The following CADM2 variants were observed in gnomAD, a reference collection of about 807,000 sequenced individuals.
CADM2 encodes the protein cell adhesion molecule 2.
Under a neutral mutation model 49.8 loss-of-function variants are expected in CADM2, and 12 were observed. That is an observed-to-expected ratio of 0.24 (90% confidence interval 0.15 to 0.39). The LOEUF (loss-of-function observed/expected upper bound fraction) is 0.39, where lower values mean the gene tolerates loss of function less well. CADM2 is among the 10% of genes least tolerant of loss of function. The pLI is 1.00. For synonymous variants in CADM2, 214 were observed against 175.4 expected (o/e 1.22, Z -1.74); for missense variants, 378 against 492.3 (o/e 0.77, Z 2.20).
chr3:85,107,631 T>C (rs35275801), intron 1 of CADM2, among the ~76,000 whole-genome samples: 27 of 137,942 alleles, frequency 2.0e-4, no homozygotes, highest in South Asian at 7.3e-4. Flanking sequence ...CTTTCTTTCT[T>C]TTTCTTTCTT....
intron 1 of CADM2, among the ~76,000 whole-genome samples, chr3:85,403,646 T>C (rs950558243): frequency 6.6e-6 from 1 of 152,168 alleles, no homozygotes; most frequent in Non-Finnish European, 1.5e-5. Flanking sequence ...TGAATGCAAC[T>C]AGTTCAGGTA....
chr3:85,236,997 T>G (rs898304638), intron 1 of CADM2, among the ~76,000 whole-genome samples: 7 of 152,082 alleles, frequency 4.6e-5, no homozygotes, highest in African/African-American at 1.4e-4. Flanking sequence ...GTTTGTTGAA[T>G]GAATAACAAT....
At chr3:85,378,216 T>C (rs2033702978) in intron 1 of CADM2, among the ~76,000 whole-genome samples, 2 of 152,048 alleles carry the variant, frequency 1.3e-5, no homozygotes, top group Admixed American at 1.3e-4. Flanking sequence ...AAGTATAAGA[T>C]CTTACTTGGA....
At chr3:85,564,953 T>G (rs967343064) in intron 1 of CADM2, among the ~76,000 whole-genome samples, 4 of 152,068 alleles carry the variant, frequency 2.6e-5, no homozygotes, top group African/African-American at 9.6e-5. Flanking sequence ...AGACACAAGG[T>G]ATATAGCTCG....
chr3:84,971,930 C>T (rs555445424), intron 1 of CADM2, among the ~76,000 whole-genome samples: 5 of 152,068 alleles, frequency 3.3e-5, no homozygotes, highest in Admixed American at 3.3e-4. Flanking sequence ...CAGACATGGT[C>T]AAATTGTGGT....
At chr3:85,624,026 G>T (rs879457134) in intron 1 of CADM2, among the ~76,000 whole-genome samples, 1 of 151,868 alleles carries the variant, frequency 6.6e-6, no homozygotes, top group Admixed American at 6.6e-5. Context: ...TTGTCTTAAG[G>T]CCAAATACTT....
intron 1 of CADM2, among the ~76,000 whole-genome samples, chr3:85,234,878 A>G (rs2042376875): frequency 6.6e-6 from 1 of 152,156 alleles, no homozygotes; most frequent in Non-Finnish European, 1.5e-5. Flanking sequence ...TGTATAAAAC[A>G]TAAGAGTAGA....
chr3:85,602,469 C>G (rs2063434219), intron 1 of CADM2, among the ~76,000 whole-genome samples: 1 of 151,774 alleles, frequency 6.6e-6, no homozygotes, highest in African/African-American at 2.4e-5. Flanking sequence ...TCTCTACATT[C>G]CATATCCAAT....
chr3:85,820,804 AG>A (rs1298603542), intron 3 of CADM2, among the ~76,000 whole-genome samples: 2 of 152,170 alleles, frequency 1.3e-5, no homozygotes, highest in Non-Finnish European at 2.9e-5. Flanking sequence ...AAGAAGATCT[AG>A]GGAAAAGGAG....
chr3:85,209,824 C>T (rs1559721864), intron 1 of CADM2, among the ~76,000 whole-genome samples: 1 of 152,114 alleles, frequency 6.6e-6, no homozygotes, highest in East Asian at 1.9e-4. Context: ...CACAAATGGG[C>T]ACCTTGTAAT....
intron 1 of CADM2, among the ~76,000 whole-genome samples, chr3:85,273,054 A>G (rs898751416): frequency 6.6e-6 from 1 of 151,164 alleles, no homozygotes; most frequent in Non-Finnish European, 1.5e-5. Context: ...TTTTGGATGA[A>G]ATTTTGAGGA....
rs192048741 is a variant in CADM2 at position 85,106,213 on chromosome 3, G to A, written c.61+146545G>A. On this transcript the variant is annotated intron_variant, in intron 1 of 9. Transcript: ENST00000383699. The stretch of plus-strand genomic sequence containing the variant: ...GAATGGAGAGCAGAGGTAAAGTGAG[G>A]GAACATTATGAAGGTTGCATTGATA... Among the ~76,000 whole-genome samples the A allele has an allele frequency of 3.3e-5, 5 of 152,202 alleles. No individual in the cohort carries two copies. The East Asian group carries it at 9.7e-4, about 29-fold the overall frequency.
At chr3:85,107,854 C>A (rs1050631290) in intron 1 of CADM2, among the ~76,000 whole-genome samples, 1 of 151,714 alleles carries the variant, frequency 6.6e-6, no homozygotes, top group Non-Finnish European at 1.5e-5. Context: ...CCTGCACCAT[C>A]ACACCCAGCT....
chr3:85,478,766 G>C (rs925743423), intron 1 of CADM2, among the ~76,000 whole-genome samples: 2 of 151,812 alleles, frequency 1.3e-5, no homozygotes, highest in African/African-American at 4.8e-5. Context: ...TCAGGAGATG[G>C]AATAAAGAGA....
intron 8 of CADM2, among the ~76,000 whole-genome samples, chr3:86,057,435 T>G (rs903505374): frequency 5.9e-5 from 9 of 152,160 alleles, no homozygotes; most frequent in African/African-American, 2.2e-4. Flanking sequence ...TAATTTAGTA[T>G]TATGAAGGGG....
intron 1 of CADM2, among the ~76,000 whole-genome samples, chr3:85,403,426 G>A (rs928949909): frequency 6.6e-6 from 1 of 152,070 alleles, no homozygotes; most frequent in Non-Finnish European, 1.5e-5. Flanking sequence ...AATACCGTAT[G>A]CTTGTATATG....
intron 1 of CADM2, among the ~76,000 whole-genome samples, chr3:85,311,747 T>C (rs2044351001): frequency 6.6e-6 from 1 of 152,204 alleles, no homozygotes; most frequent in African/African-American, 2.4e-5. Context: ...AAACACCTTA[T>C]GCTGAGTTTT....
At chr3:85,588,729 G>A (rs1044813760) in intron 1 of CADM2, among the ~76,000 whole-genome samples, 7 of 151,918 alleles carry the variant, frequency 4.6e-5, no homozygotes, top group Admixed American at 3.9e-4. Flanking sequence ...GATTATTTTG[G>A]CTACATTTTG....
At position 85,014,200 on chromosome 3, in the gene CADM2, G is replaced by A. The variant is rs180846319; in HGVS notation, c.61+54532G>A. ...TAATAATATTGTATATTATATATAC[G>A]CAGTGTAATAATGTATATCATATAT... is the stretch of plus-strand genomic sequence containing the variant. On this transcript the variant is annotated intron_variant, in intron 1 of 9. Transcript: ENST00000383699. Among the ~76,000 whole-genome samples the A allele has an allele frequency of 5.8e-4, 85 of 147,700 alleles. No individual in the cohort carries two copies. The East Asian group carries it at 6.2e-3, about 11-fold the overall frequency.
Sources: gnomAD v4.1 joint callset for allele counts (sites outside exome capture counted in the v4.1 genomes callset) on GRCh38, gnomAD v4.1.1 for gene constraint, MANE v1.5 for transcripts, NCBI Gene and HGNC (gene_info 2026-07-23, HGNC 2026-07-21) for gene names.